FAM3A: variants seen among roughly 807,000 people sequenced by gnomAD.
FAM3A encodes the protein FAM3 metabolism regulating signaling molecule A.
Under a neutral mutation model 18.1 loss-of-function variants are expected in FAM3A, and 5 were observed. The observed-to-expected ratio is 0.28, with a 90% confidence interval of 0.14 to 0.58. The LOEUF (loss-of-function observed/expected upper bound fraction) is 0.58. FAM3A is among the 20% of genes least tolerant of loss of function. The probability of loss-of-function intolerance (pLI) is 0.91; values close to 1 mark genes in which losing one functional copy is unlikely to be tolerated. For synonymous variants in FAM3A, 108 were observed against 90.2 expected, an observed-to-expected ratio of 1.20 and a Z score of -1.12; for missense variants, 154 against 216.6, an observed-to-expected ratio of 0.71 and a Z score of 1.81.
rs782618490 is a variant in FAM3A at position 154,507,498 on chromosome X, G to T, written c.386-8C>A. On this transcript the variant is annotated splice_region_variant and splice_polypyrimidine_tract_variant and intron_variant, in intron 6 of 8. Coordinates refer to ENST00000447601, the MANE Select transcript of FAM3A (RefSeq NM_021806.4). The stretch of plus-strand genomic sequence containing the variant: ...TCAACAGGTCGTTGACATCTGGGGG[G>T]GCAGGTGCCACGGAACAGGGGTCAT... 6.6e-6 allele frequency: 8 copies of T among 1,205,168 alleles called. No individual in the cohort carries two copies. Among genetic ancestry groups the T allele is most frequent in the Admixed American group, 6.6e-5 (3 of 45,684 alleles).
chrX:154,515,876 C>A lies in FAM3A; in HGVS notation c.-104G>T. On this transcript the variant is annotated 5_prime_UTR_variant, in exon 1 of 9. Transcript: ENST00000447601. ...GGTCAGGGGCAAGCCTGTGCGGGAC[C>A]CCTGCTGGGGGCGGGCGCGATCGGT... The A allele has an allele frequency of 1.1e-6, 1 of 920,339 alleles. No homozygotes were observed. The highest frequency in any genetic ancestry group is 1.6e-6 in the Non-Finnish European group (1 of 640,521). The allele number at this position is 920,339 out of a possible 1,213,427, so 75.8% of individuals were successfully genotyped here.
intron 5 of FAM3A, 81 bp from the exon 6 acceptor site, chrX:154,507,942 G>A: frequency 1.1e-6 from 1 of 869,596 alleles, no homozygotes; most frequent in Non-Finnish European, 1.6e-6. Context: ...GGGGGTGGGG[G>A]GCAGCCCTTC....
In FAM3A at chrX:154,514,737, C is replaced by T. The variant is rs979147669; in HGVS notation, c.13+1023G>A. Among the ~76,000 whole-genome samples the T allele has an allele frequency of 1.5e-4, 17 of 110,589 alleles. 1 individual carries two copies. Among genetic ancestry groups the T allele is most frequent in the African/African-American group, 5.6e-4 (17 of 30,370 alleles). ...CTAATTTTTGTATTTTTAGTAGAGA[C>T]GGGGTTTCACCATCTTGGCCAGACT... On this transcript the variant is annotated intron_variant, in intron 1 of 8. Transcript: ENST00000447601.
At chrX:154,513,351 G>A (rs1355041645) in intron 1 of FAM3A, among the ~76,000 whole-genome samples, 1 of 111,801 alleles carries the variant, frequency 8.9e-6, no homozygotes, top group Non-Finnish European at 1.9e-5. Flanking sequence ...ACCAGTCCCG[G>A]CCGGGCGCAG....
chrX:154,512,242 TAATAATAATA>T (rs1193199366), intron 2 of FAM3A: 1 of 27,429 alleles, frequency 3.6e-5, no homozygotes, highest in Non-Finnish European at 6.9e-5. Flanking sequence ...ATAATAATAA[TAATAATAATA>T]ATAATAATAA....
Position 154,506,553 on chromosome X carries a change from G to C in FAM3A, c.*258C>G, listed in dbSNP as rs782253525. The C allele has an allele frequency of 2.6e-5, 10 of 381,674 alleles. No homozygotes were observed. The East Asian group carries it at 4.0e-4, about 15-fold the overall frequency. 31.5% of individuals were successfully genotyped at this position (381,674 alleles called of 1,213,427 possible). ...GAGGACAGGGCTAGATGGGCTGACC[G>C]GGGGGAACAGTGTTACGAAAAGGAG... On this transcript the variant is annotated 3_prime_UTR_variant, in exon 9 of 9. Transcript: ENST00000447601.
rs374796856 is a variant in FAM3A at position 154,508,290 on chromosome X, G to A, written c.333C>T (p.Asn111=). 75 of 1,072,161 alleles carry A rather than the reference G, an allele frequency of 7.0e-5. No individual in the cohort carries two copies. The highest frequency in any genetic ancestry group is 4.4e-4 in the African/African-American group (22 of 49,668). The allele number at this position is 1,072,161 out of a possible 1,213,427, so 88.4% of individuals were successfully genotyped here. Residue 111 remains asparagine, a splice_region_variant and synonymous_variant, in exon 5 of 9, where the codon AAC becomes AAT. Coordinates refer to ENST00000447601, the MANE Select transcript of FAM3A (RefSeq NM_021806.4). The part of the protein sequence containing the change: ...VGRGLNIALV[N]GVSGELIEAR... ...GCCACGCTCAGCCAGGGGCCTCACC[G>A]TTCACCAGGGCGATGTTCAGCCCGC...
chrX:154,513,012 G>T, intron 1 of FAM3A, 76 bp from the exon 2 acceptor site: 1 of 653,401 alleles, frequency 1.5e-6, no homozygotes. Context: ...AGCCTTGCAT[G>T]ACTGGATCTC....
intron 5 of FAM3A, 101 bp from the exon 6 acceptor site, chrX:154,507,962 TCAAA>T (rs2148293318): frequency 5.7e-6 from 4 of 698,233 alleles, no homozygotes; most frequent in Admixed American, 3.4e-5. Flanking sequence ...CTGGAAGCTT[TCAAA>T]CAGTCCCCCA....
rs1360851961 is a variant in FAM3A, at chrX:154,508,363, T to TG, written c.276-17dup. ...GCTCATCAGCCTAGTTGGGGGGGGG[T>TG]GGGGGGGACGGGGAGATCCCACATG... is the stretch of plus-strand genomic sequence containing the variant. On this transcript the variant is annotated splice_polypyrimidine_tract_variant and intron_variant, in intron 4 of 8. Coordinates refer to ENST00000447601, the MANE Select transcript of FAM3A (RefSeq NM_021806.4). 29 of 211,661 alleles carry TG rather than the reference T, an allele frequency of 1.4e-4. No homozygotes were observed. The highest frequency in any genetic ancestry group is 4.0e-4 in the African/African-American group (4 of 9,984). 17.4% of individuals were successfully genotyped at this position (211,661 alleles called of 1,213,427 possible).
At chrX:154,509,245 A>C (rs943635623) in intron 3 of FAM3A, 2 of 129,982 alleles carry the variant, frequency 1.5e-5, no homozygotes, top group Non-Finnish European at 3.1e-5. Context: ...AAGAGACAGG[A>C]GTGACACAGC....
chrX:154,512,260 TAATAATAAGAAG>T (rs1373523962), intron 2 of FAM3A: 54 of 162,830 alleles, frequency 3.3e-4, no homozygotes, highest in Admixed American at 1.2e-3. Flanking sequence ...ATAATAATAA[TAATAATAAGAAG>T]AAGAAGAAGA....
At chrX:154,513,786 A>G (rs1395373646) in intron 1 of FAM3A, among the ~76,000 whole-genome samples, 1 of 110,724 alleles carries the variant, frequency 9.0e-6, no homozygotes, top group Non-Finnish European at 1.9e-5. Flanking sequence ...AACATCTCCA[A>G]TGTTAAGGAA....
chrX:154,508,853 C>T (rs1557221097), intron 3 of FAM3A: 1 of 473,124 alleles, frequency 2.1e-6, no homozygotes, highest in Non-Finnish European at 3.9e-6. Flanking sequence ...TGGCCTGGGC[C>T]ACTGCACAGC....
chrX:154,506,207 G>C lies in FAM3A; in HGVS notation c.*604C>G, dbSNP rs3209803. ...CATCACTTTATTAAGGGGTCATCTA[G>C]AAGGTGGGCCCCCTGACAAACCGCG... On this transcript the variant is annotated 3_prime_UTR_variant, in exon 9 of 9. Transcript: ENST00000447601. The C allele has an allele frequency of 8.8e-6, 1 of 113,638 alleles. No homozygotes were observed. Among genetic ancestry groups the C allele is most frequent in the African/African-American group, 3.3e-5 (1 of 30,176 alleles). The allele number at this position is 113,638 out of a possible 1,213,427, so 9.4% of individuals were successfully genotyped here. A position where few individuals can be genotyped will look rare whatever the true frequency, so the allele number is the denominator to read the frequency against.
intron 2 of FAM3A, chrX:154,512,254 TAATAATAATAATAAG>T (rs1480311149): frequency 5.7e-5 from 8 of 140,692 alleles, no homozygotes; most frequent in Admixed American, 2.4e-4. Flanking sequence ...ATAATAATAA[TAATAATAATAATAAG>T]AAGAAGAAGA....
chrX:154,516,105 G>T lies in FAM3A; in HGVS notation c.-333C>A, dbSNP rs1364741023. The T allele has an allele frequency of 4.7e-6, 1 of 213,094 alleles. No individual in the cohort carries two copies. 17.6% of individuals were successfully genotyped at this position (213,094 alleles called of 1,213,427 possible). A position where few individuals can be genotyped will look rare whatever the true frequency, so the allele number is the denominator to read the frequency against. On this transcript the variant is annotated 5_prime_UTR_variant, in exon 1 of 9. Transcript: ENST00000447601. ...GGGGGCTGGCGATGCGGGCCGGGCC[G>T]GAGATTTCTCTGGCCGTGGGGAGAC...
At chrX:154,514,390 C>T (rs1244446120) in intron 1 of FAM3A, among the ~76,000 whole-genome samples, 4 of 109,525 alleles carry the variant, frequency 3.7e-5, no homozygotes, top group Admixed American at 9.7e-5. Context: ...ATTACAGGCG[C>T]GCACCACCGT....
rs782214522 is a variant in FAM3A, at chrX:154,507,266, G to T, written c.534C>A (p.Ala178=). ...ELGSRNAKEL[A]FRDSWVFVGA... is the part of the protein sequence containing the mutation. The stretch of plus-strand genomic sequence containing the variant: ...CGACAAACACCCAGCTGTCCCGGAA[G>T]GCCAGCTCCTTGGCGTTCCTGCTGC... Residue 178 remains alanine (A), a synonymous_variant, in exon 8 of 9, where the codon GCC becomes GCA. Transcript: ENST00000447601. 2 of 1,209,697 alleles carry T rather than the reference G, an allele frequency of 1.7e-6. No individual in the cohort carries two copies. Among genetic ancestry groups the T allele is most frequent in the South Asian group, 1.8e-5 (1 of 56,682 alleles).
Sources: allele counts gnomAD v4.1 joint callset (sites outside exome capture counted in the v4.1 genomes callset), GRCh38; gene constraint gnomAD v4.1.1; transcripts MANE v1.5; gene names NCBI Gene and HGNC (gene_info 2026-07-23, HGNC 2026-07-21).